ASTN2: variants seen among roughly 807,000 people sequenced by gnomAD.
ASTN2 encodes the protein astrotactin 2, also known as astrotactin-2.
In ASTN2, 54 loss-of-function variants were observed where a neutral mutation model predicts 139.8. The ratio of observed to expected loss-of-function variants is 0.39; its 90% CI spans 0.31 to 0.48. The LOEUF (loss-of-function observed/expected upper bound fraction) is 0.48. Among genes scored for constraint, ASTN2 ranks in the 20% least tolerant of loss-of-function variants. ASTN2 has a pLI of 0.95. For synonymous variants in ASTN2, 756 were observed against 719.5 expected (o/e 1.05, Z -0.81); for missense variants, 1,565 against 1,725.1 (o/e 0.91, Z 1.64).
intron 19 of ASTN2, among the ~76,000 whole-genome samples, chr9:116,493,309 G>A (rs1371862697): frequency 2.0e-5 from 3 of 152,062 alleles, no homozygotes; most frequent in African/African-American, 7.2e-5. Flanking sequence ...CTTCTGCCTC[G>A]CCCAAGTTCG....
chr9:116,776,253 G>C (rs556833668), intron 13 of ASTN2, among the ~76,000 whole-genome samples: 1 of 152,184 alleles, frequency 6.6e-6, no homozygotes, highest in Non-Finnish European at 1.5e-5. Flanking sequence ...GTAAAGGAAG[G>C]GTTTTAGGTA....
At chr9:116,459,150 G>C (rs1444605134) in intron 20 of ASTN2, among the ~76,000 whole-genome samples, 1 of 151,932 alleles carries the variant, frequency 6.6e-6, no homozygotes, top group East Asian at 1.9e-4. Context: ...AAAATACAGT[G>C]GGGACAGAAT....
chr9:116,436,556 T>C (rs1321259366), intron 22 of ASTN2, among the ~76,000 whole-genome samples: 1 of 152,172 alleles, frequency 6.6e-6, no homozygotes, highest in Non-Finnish European at 1.5e-5. Flanking sequence ...AATATGTAAG[T>C]AAACATACAA....
intron 1 of ASTN2, among the ~76,000 whole-genome samples, chr9:117,307,744 C>A (rs1308975979): frequency 6.6e-6 from 1 of 152,168 alleles, no homozygotes; most frequent in East Asian, 1.9e-4. Flanking sequence ...AAGGGCATAC[C>A]CAAGCCCTCA....
chr9:116,588,329 G>A (rs1467942410), intron 19 of ASTN2, among the ~76,000 whole-genome samples: 1 of 152,140 alleles, frequency 6.6e-6, no homozygotes, highest in Non-Finnish European at 1.5e-5. Context: ...CTGTCTCTTG[G>A]AAAATACTTT....
intron 11 of ASTN2, among the ~76,000 whole-genome samples, chr9:116,830,962 C>T (rs1259248743): frequency 6.6e-6 from 1 of 152,080 alleles, no homozygotes; most frequent in Non-Finnish European, 1.5e-5. Context: ...ACTCCTACCC[C>T]TCCCTTCTCC....
intron 13 of ASTN2, among the ~76,000 whole-genome samples, chr9:116,737,921 G>A (rs1042739265): frequency 6.6e-5 from 10 of 152,180 alleles, no homozygotes; most frequent in East Asian, 1.9e-4. Flanking sequence ...GGCCGGGCGC[G>A]GTGGCTCACG....
At chr9:117,236,555 T>G (rs1208030199) in intron 2 of ASTN2, among the ~76,000 whole-genome samples, 2 of 152,232 alleles carry the variant, frequency 1.3e-5, no homozygotes, top group Admixed American at 6.5e-5. Flanking sequence ...TGTGCTGGAC[T>G]GTAGGGTCCA....
intron 19 of ASTN2, chr9:116,551,989 C>CCACATATACATATACATATACATA (rs1852370476): frequency 7.2e-6 from 1 of 139,518 alleles, no homozygotes. Flanking sequence ...AAGTAGCCTG[C>CCACATATACATATACATATACATA]CACATATACA....
At chr9:116,775,357 C>T (rs774400117) in intron 13 of ASTN2, among the ~76,000 whole-genome samples, 1 of 151,334 alleles carries the variant, frequency 6.6e-6, no homozygotes, top group Non-Finnish European at 1.5e-5. Flanking sequence ...CCTCTATAGA[C>T]CAGCCCATCT....
At chr9:116,837,514 T>C (rs1832041327) in intron 11 of ASTN2, among the ~76,000 whole-genome samples, 1 of 152,212 alleles carries the variant, frequency 6.6e-6, no homozygotes, top group Non-Finnish European at 1.5e-5. Context: ...ACTGTGAACC[T>C]GCTCTTTGCT....
intron 22 of ASTN2, 66 bp from the exon 23 acceptor site, chr9:116,426,154 G>C (rs1374388449): frequency 6.3e-6 from 10 of 1,574,934 alleles, no homozygotes; most frequent in Non-Finnish European, 4.3e-6. Context: ...CTTTGAGGTA[G>C]TAAATGTCAA....
intron 16 of ASTN2, among the ~76,000 whole-genome samples, chr9:116,695,105 G>C (rs992027970): frequency 6.6e-6 from 1 of 152,110 alleles, no homozygotes; most frequent in Non-Finnish European, 1.5e-5. Context: ...GTTAATCATT[G>C]TTATGTGACA....
chr9:116,535,589 G>A (rs1231807836), intron 19 of ASTN2, among the ~76,000 whole-genome samples: 2 of 152,056 alleles, frequency 1.3e-5, no homozygotes, highest in African/African-American at 2.4e-5. Flanking sequence ...TGTCTATAAA[G>A]GATTTTTATC....
intron 1 of ASTN2, among the ~76,000 whole-genome samples, chr9:117,379,591 A>C (rs531202101): frequency 6.6e-6 from 1 of 152,308 alleles, no homozygotes; most frequent in African/African-American, 2.4e-5. Context: ...AAGTAAACAA[A>C]CATTTACTGA....
chr9:117,147,465 C>CA (rs61232645), intron 3 of ASTN2, among the ~76,000 whole-genome samples: 56,203 of 143,064 alleles, frequency 0.39, 11,024 homozygotes, highest in East Asian at 0.65. Flanking sequence ...ACACACACAC[C>CA]CCCGTTATCC....
At chr9:116,606,161 G>GAATT (rs1338573298) in intron 19 of ASTN2, among the ~76,000 whole-genome samples, 1 of 152,072 alleles carries the variant, frequency 6.6e-6, no homozygotes, top group Non-Finnish European at 1.5e-5. Flanking sequence ...AGCGTGCGGG[G>GAATT]CATTCAGCCA....
At chr9:116,550,969 C>T (rs1852316145) in intron 19 of ASTN2, 1 of 152,280 alleles carries the variant, frequency 6.6e-6, no homozygotes, top group African/African-American at 2.4e-5. Context: ...GAAACCCTGT[C>T]TGCTCTGCCT....
intron 6 of ASTN2, among the ~76,000 whole-genome samples, chr9:117,027,199 T>C (rs1161615631): frequency 1.3e-5 from 2 of 152,186 alleles, no homozygotes; most frequent in African/African-American, 4.8e-5. Context: ...GATTAAGAAA[T>C]AACCCAGAAG....
Sources: gnomAD v4.1 joint callset for allele counts (sites outside exome capture counted in the v4.1 genomes callset) on GRCh38, gnomAD v4.1.1 for gene constraint, MANE v1.5 for transcripts, NCBI Gene and HGNC (gene_info 2026-07-23, HGNC 2026-07-21) for gene names.